NEO1: variants seen among roughly 807,000 people sequenced by gnomAD.
NEO1 encodes the protein neogenin 1.
In NEO1, 63 loss-of-function variants were observed where a neutral mutation model predicts 159.7. That is an observed-to-expected ratio of 0.39 (90% CI 0.32 to 0.49). NEO1 has a LOEUF of 0.49. NEO1 is among the 20% of genes least tolerant of loss of function. The probability of loss-of-function intolerance (pLI) is 0.85; values close to 1 mark genes in which losing one functional copy is unlikely to be tolerated. For synonymous variants in NEO1, 633 were observed against 662.0 expected, an observed-to-expected ratio of 0.96 and a Z score of 0.67; for missense variants, 1,615 against 1,831.0, an observed-to-expected ratio of 0.88 and a Z score of 2.15.
intron 7 of NEO1, among the ~76,000 whole-genome samples, chr15:73,218,291 G>A (rs908497259): frequency 3.4e-5 from 5 of 149,106 alleles, no homozygotes; most frequent in African/African-American, 9.8e-5. Context: ...TGATCATGGT[G>A]GATAAGCTTT....
At chr15:73,212,148 C>T (rs2037617587) in intron 7 of NEO1, among the ~76,000 whole-genome samples, 1 of 152,170 alleles carries the variant, frequency 6.6e-6, no homozygotes, top group African/African-American at 2.4e-5. Context: ...TCTCTGAGCC[C>T]AGAGCCTCTC....
chr15:73,142,489 A>G (rs546818853), intron 5 of NEO1, among the ~76,000 whole-genome samples: 3 of 152,312 alleles, frequency 2.0e-5, no homozygotes, highest in African/African-American at 7.2e-5. Context: ...TCCATTAGAA[A>G]AGCCACAGGA....
At chr15:73,071,007 C>T (rs2151313633) in intron 1 of NEO1, among the ~76,000 whole-genome samples, 1 of 152,310 alleles carries the variant, frequency 6.6e-6, no homozygotes, top group East Asian at 1.9e-4. Context: ...CTCTGTAACC[C>T]AGGCTGGAGT....
Position 73,111,478 on chromosome 15 carries a change from A to G in NEO1, c.131-5062A>G, listed in dbSNP as rs374652657. On this transcript the variant is annotated intron_variant, in intron 1 of 28. Coordinates refer to ENST00000261908, the MANE Select transcript of NEO1 (RefSeq NM_002499.4). ...CCAAAGGTGAAAGAAAAAATTAAAA[A>G]TCAACTGAAATCCTTGAGATAATCC... 1.1e-4 allele frequency among the ~76,000 whole-genome samples: 17 copies of G among 152,362 alleles called. No homozygotes were observed. The East Asian group carries it at 3.1e-3, about 28-fold the overall frequency.
Position 73,303,652 on chromosome 15 carries a change from T to A in NEO1, c.*956T>A, listed in dbSNP as rs1259078084. On this transcript the variant is annotated 3_prime_UTR_variant, in exon 29 of 29. Transcript: ENST00000261908. ...TATTGTCACTACGTTGCAACTGGAG[T>A]TTGATTTGGATCTGGTTTTAAAATT... is the stretch of plus-strand genomic sequence containing the variant. The A allele has an allele frequency of 6.6e-6, 1 of 152,198 alleles. No homozygotes were observed. Among genetic ancestry groups the A allele is most frequent in the African/African-American group, 2.4e-5 (1 of 41,434 alleles). The allele number at this position is 152,198 out of a possible 1,614,324, so 9.4% of individuals were successfully genotyped here. A position where few individuals can be genotyped will look rare whatever the true frequency, so the allele number is the denominator to read the frequency against.
At chr15:73,186,367 C>A (rs888278518) in intron 7 of NEO1, among the ~76,000 whole-genome samples, 39 of 151,674 alleles carry the variant, frequency 2.6e-4, no homozygotes, top group Admixed American at 2.5e-3. Context: ...CAAAACTATA[C>A]CCAGCAAAAA....
rs1417379323 is a variant in NEO1, at chr15:73,222,570, C to CT, written c.1292-13773dup. Among the ~76,000 whole-genome samples, 4 of 152,010 alleles carry CT rather than the reference C, an allele frequency of 2.6e-5. No individual in the cohort carries two copies. The South Asian group carries it at 8.3e-4, about 32-fold the overall frequency. On this transcript the variant is annotated intron_variant, in intron 7 of 28. Transcript: ENST00000261908. ...GGTGTTCATAGTAGTCTTGAATGAT[C>CT]TTTTGTATTTCAGTGGTGTCAGTTT... is the stretch of plus-strand genomic sequence containing the variant.
intron 18 of NEO1, 107 bp downstream of exon 18, chr15:73,270,561 G>A (rs2041122339): frequency 1.6e-6 from 2 of 1,252,958 alleles, no homozygotes; most frequent in African/African-American, 3.0e-5. Context: ...ACTACATTTG[G>A]AATTCAGTGT....
At chr15:73,260,171 C>G (rs2040557599) in intron 14 of NEO1, 100 bp from the exon 15 acceptor site, 1 of 1,107,138 alleles carries the variant, frequency 9.0e-7, no homozygotes, top group South Asian at 1.8e-5. Flanking sequence ...AAACTTAGCC[C>G]CAAACAGTGT....
chr15:73,137,810 A>G (rs1440897590), intron 5 of NEO1, among the ~76,000 whole-genome samples: 2 of 152,088 alleles, frequency 1.3e-5, no homozygotes, highest in Non-Finnish European at 2.9e-5. Context: ...GAAAGGTATA[A>G]CATTGATGAG....
Position 73,052,693 on chromosome 15 carries a change from AG to A in NEO1, c.19del (p.Ala7ProfsTer66). The A allele has an allele frequency of 7.4e-7, 1 of 1,354,438 alleles. No homozygotes were observed. Among genetic ancestry groups the A allele is most frequent in the Non-Finnish European group, 9.6e-7 (1 of 1,046,238 alleles). 83.9% of individuals were successfully genotyped at this position (1,354,438 alleles called of 1,614,324 possible). A position where few individuals can be genotyped will look rare whatever the true frequency, so the allele number is the denominator to read the frequency against. On this transcript the variant is annotated frameshift_variant, in exon 1 of 29. Coordinates refer to ENST00000261908, the MANE Select transcript of NEO1 (RefSeq NM_002499.4). LOFTEE classifies it high-confidence loss of function. The part of the protein sequence containing the change: MAAERG[A>X]RRLLSTPSFW... The stretch of plus-strand genomic sequence containing the variant: ...GGGAAGAGATGGCGGCGGAGCGGGG[AG>A]CCCGGCGACTCCTCAGCACCCCCTC...
intron 1 of NEO1, among the ~76,000 whole-genome samples, chr15:73,094,982 G>A (rs182495993): frequency 0.012 from 1,825 of 152,184 alleles, 12 homozygotes; most frequent in Non-Finnish European, 0.02. Context: ...AGGCTGAGGC[G>A]GGCGGATCAC....
intron 15 of NEO1, among the ~76,000 whole-genome samples, chr15:73,264,420 A>G (rs2040787919): frequency 6.6e-6 from 1 of 152,194 alleles, no homozygotes; most frequent in Non-Finnish European, 1.5e-5. Context: ...CAGGGAAGAA[A>G]CCCCTGAGCT....
intron 1 of NEO1, among the ~76,000 whole-genome samples, chr15:73,106,817 A>C (rs2070719429): frequency 6.6e-6 from 1 of 152,224 alleles, no homozygotes; most frequent in South Asian, 2.1e-4. Flanking sequence ...CACTGAATCC[A>C]TCTCTGGCAC....
intron 10 of NEO1, among the ~76,000 whole-genome samples, 154 bp downstream of exon 10, chr15:73,249,362 T>A (rs1386687024): frequency 2.6e-5 from 4 of 152,168 alleles, no homozygotes; most frequent in Admixed American, 2.6e-4. Flanking sequence ...GTACCAAGAT[T>A]TATTGTGTAG....
intron 26 of NEO1, among the ~76,000 whole-genome samples, chr15:73,294,339 A>G (rs1415484523): frequency 6.6e-6 from 1 of 152,184 alleles, no homozygotes; most frequent in African/African-American, 2.4e-5. Flanking sequence ...GTAACTTCCC[A>G]TATATTCAAC....
chr15:73,206,848 C>CGTGTGTGTGTGTGTGTGT (rs938536165), intron 7 of NEO1, among the ~76,000 whole-genome samples: 1 of 136,306 alleles, frequency 7.3e-6, no homozygotes, highest in African/African-American at 2.7e-5. Context: ...TGTGTGTGTG[C>CGTGTGTGTGTGTGTGTGT]GTGTGTGTGT....
chr15:73,126,543 A>T lies in NEO1; in HGVS notation c.851A>T (p.Lys284Ile). ...CCTACTCCAACCATTAAATGGATGA[A>T]AAATGAGGAGGCACTTGACACAGAA... ...GLPTPTIKWM[K>I]NEEALDTESS... The change falls in exon 4 of 29, where the codon AAA (lysine) becomes ATA (isoleucine). Residue 284 changes from lysine (K) to isoleucine (I), a missense_variant. Transcript: ENST00000261908. 6.2e-7 allele frequency: 1 copy of T among 1,613,728 alleles called. No individual in the cohort carries two copies. The highest frequency in any genetic ancestry group is 8.5e-7 in the Non-Finnish European group (1 of 1,179,860).
chr15:73,084,138 C>A (rs2069223095), intron 1 of NEO1, among the ~76,000 whole-genome samples: 1 of 151,894 alleles, frequency 6.6e-6, no homozygotes, highest in Non-Finnish European at 1.5e-5. Flanking sequence ...TGGTTAAAAT[C>A]TACCCTAGAA....
Sources: allele counts gnomAD v4.1 joint callset (sites outside exome capture counted in the v4.1 genomes callset), GRCh38; gene constraint gnomAD v4.1.1; transcripts MANE v1.5; gene names NCBI Gene and HGNC (gene_info 2026-07-23, HGNC 2026-07-21).